ANKRD54: variants seen among roughly 807,000 people sequenced by gnomAD.
ANKRD54 encodes the protein ankyrin repeat domain 54.
ANKRD54 carries 26 observed loss-of-function variants against 36.2 expected under a neutral mutation model. That is an observed-to-expected ratio of 0.72 (90% CI 0.53 to 1.00). ANKRD54 has a LOEUF of 1.00. ANKRD54 is among the 50% of genes least tolerant of loss of function. ANKRD54 has a pLI of 0.00. For synonymous variants in ANKRD54, 209 were observed against 188.4 expected (o/e 1.11, Z -0.89); for missense variants, 384 against 424.3 (o/e 0.91, Z 0.83).
intron 2 of ANKRD54, among the ~76,000 whole-genome samples, chr22:37,839,657 G>C (rs1569099641): frequency 6.6e-6 from 1 of 152,188 alleles, no homozygotes; most frequent in African/African-American, 2.4e-5. Flanking sequence ...AAAGTGCTGG[G>C]ATTACAGGCG....
chr22:37,843,439 A>G (rs1235532917), intron 1 of ANKRD54, among the ~76,000 whole-genome samples: 1 of 151,990 alleles, frequency 6.6e-6, no homozygotes, highest in Non-Finnish European at 1.5e-5. Context: ...GATAATAATA[A>G]TAAATAAATA....
upstream of ANKRD54, among the ~76,000 whole-genome samples, chr22:37,847,154 ATTTCT>A (rs749859747): frequency 1.4e-5 from 2 of 138,542 alleles, no homozygotes; most frequent in African/African-American, 2.7e-5. Context: ...CGCCCGGCCA[ATTTCT>A]TTTCTTTTTT....
At chr22:37,835,699 G>C (rs1414554492) in intron 3 of ANKRD54, among the ~76,000 whole-genome samples, 1 of 152,112 alleles carries the variant, frequency 6.6e-6, no homozygotes, top group Non-Finnish European at 1.5e-5. Flanking sequence ...CCAGCTACTT[G>C]GGAGGCTGAG....
rs571557054 is a variant in ANKRD54, at chr22:37,840,583, C to CAA, written c.329-350_329-349insTT. The stretch of plus-strand genomic sequence containing the variant: ...CAAAACAAACAAACAAACAAACACA[C>CAA]ACAAAAAAAACACAGCCATTGGCTG... On this transcript the variant is annotated intron_variant, in intron 1 of 7. Coordinates refer to ENST00000215941, the MANE Select transcript of ANKRD54 (RefSeq NM_138797.4). 3.8e-3 allele frequency among the ~76,000 whole-genome samples: 570 copies of CAA among 149,592 alleles called. 1 individual carries two copies. Among genetic ancestry groups the CAA allele is most frequent in the African/African-American group, 0.013 (539 of 40,610 alleles).
In ANKRD54 at chr22:37,844,126, G is replaced by C. The variant is rs1290988151; in HGVS notation, c.113C>G (p.Ser38Cys). Residue 38 changes from serine (S) to cysteine (C), a missense_variant, in exon 1 of 8, where the codon TCC (serine) becomes TGC (cysteine). By Grantham distance (112) the Ser-to-Cys change is moderately radical. Coordinates refer to ENST00000215941, the MANE Select transcript of ANKRD54 (RefSeq NM_138797.4). ...EPLTDAEGLF[S>C]FADFGSALGG... ...CAGCGCAGACCCGAAGTCAGCGAAG[G>C]AGAAGAGGCCCTCAGCGTCAGTCAG... 58 of 1,492,942 alleles carry C rather than the reference G, an allele frequency of 3.9e-5. No homozygotes were observed. The highest frequency in any genetic ancestry group is 4.5e-5 in the Admixed American group (2 of 44,678). The allele number at this position is 1,492,942 out of a possible 1,614,324, so 92.5% of individuals were successfully genotyped here.
chr22:37,841,848 AAAAT>A (rs56891536), intron 1 of ANKRD54, among the ~76,000 whole-genome samples: 3,408 of 137,792 alleles, frequency 0.025, 73 homozygotes, highest in South Asian at 0.039. Flanking sequence ...ACTCTGTCTC[AAAAT>A]AAATAAATAA....
intron 1 of ANKRD54, among the ~76,000 whole-genome samples, chr22:37,843,434 T>A (rs974105640): frequency 4.6e-5 from 7 of 151,574 alleles, no homozygotes; most frequent in Non-Finnish European, 7.4e-5. Context: ...AAAAAGATAA[T>A]AATAATAAAT....
chr22:37,833,610 G>A, intron 4 of ANKRD54, 74 bp downstream of exon 4: 3 of 1,528,288 alleles, frequency 2.0e-6, no homozygotes, highest in East Asian at 4.5e-5. Context: ...GAGCATGCCG[G>A]GCCCCACCCT....
intron 3 of ANKRD54, chr22:37,834,203 C>A (rs997610616): frequency 1.2e-5 from 2 of 161,070 alleles, no homozygotes; most frequent in African/African-American, 2.4e-5. Context: ...TCTGCCAATA[C>A]CCAGAAGGAT....
Position 37,830,926 on chromosome 22 carries a change from G to C in ANKRD54, c.*1017C>G, listed in dbSNP as rs1195194470. ...CCAGAATTATAAAATTAGCCTCACT[G>C]AGCCAGTCCAGGTGGGAGCAGGGCT... On this transcript the variant is annotated 3_prime_UTR_variant, in exon 8 of 8. Transcript: ENST00000215941. 1 of 152,204 alleles carries C rather than the reference G, an allele frequency of 6.6e-6. No individual in the cohort carries two copies. The allele number at this position is 152,204 out of a possible 1,614,324, so 9.4% of individuals were successfully genotyped here.
chr22:37,847,688 A>T, upstream of ANKRD54: 1 of 486,116 alleles, frequency 2.1e-6, no homozygotes, highest in Non-Finnish European at 4.1e-6. Flanking sequence ...CCATGAGGAC[A>T]TTGTTGGGGA....
At chr22:37,847,868 C>T (rs139887367), upstream of ANKRD54, 109 of 318,632 alleles carry the variant, frequency 3.4e-4, no homozygotes, top group African/African-American at 2.3e-3. Context: ...GGAGTTGGGG[C>T]TGGGCATTGC....
upstream of ANKRD54, among the ~76,000 whole-genome samples, chr22:37,845,738 G>T (rs189506689): frequency 6.6e-6 from 1 of 152,144 alleles, no homozygotes; most frequent in East Asian, 1.9e-4. Context: ...GTGTGGTGGC[G>T]CACGCCTGTA....
In ANKRD54 at chr22:37,832,933, G is replaced by A. The variant is rs1464264074; in HGVS notation, c.720+25C>T. The A allele has an allele frequency of 3.1e-6, 5 of 1,611,918 alleles. No homozygotes were observed. In the Admixed American group the frequency reaches 8.3e-5, roughly 27 times the overall value. ...TGTCCAGTGCTGCCTTGGTGCCGTG[G>A]TCTCCACACAGAAGGGGTACTCACC... On this transcript the variant is annotated intron_variant, in intron 6 of 7. Coordinates refer to ENST00000215941, the MANE Select transcript of ANKRD54 (RefSeq NM_138797.4).
chr22:37,840,583 C>CA (rs571557054), intron 1 of ANKRD54, among the ~76,000 whole-genome samples: 3 of 149,480 alleles, frequency 2.0e-5, no homozygotes, highest in African/African-American at 7.4e-5. Context: ...AACAAACACA[C>CA]ACAAAAAAAA....
chr22:37,833,511 T>G (rs1027830452), intron 4 of ANKRD54, among the ~76,000 whole-genome samples, 173 bp downstream of exon 4: 1 of 152,094 alleles, frequency 6.6e-6, no homozygotes, highest in African/African-American at 2.4e-5. Context: ...GCTAAATGAT[T>G]GGAAGGCCCA....
chr22:37,842,511 G>A (rs1179952729), intron 1 of ANKRD54, among the ~76,000 whole-genome samples: 1 of 152,198 alleles, frequency 6.6e-6, no homozygotes, highest in East Asian at 1.9e-4. Context: ...GAAGCTCTTT[G>A]TGAGCTGGTT....
Position 37,844,177 on chromosome 22 carries a change from C to T in ANKRD54, c.62G>A (p.Gly21Asp). The change falls in exon 1 of 8, where the codon GGC becomes GAC. Residue 21 changes from glycine to aspartate, a missense_variant. Gly to Asp is a moderately conservative substitution (Grantham distance 94). Coordinates refer to ENST00000215941, the MANE Select transcript of ANKRD54 (RefSeq NM_138797.4). ...CGGCTCCGGCGCCACCGCGCACTCG[C>T]CCTCCGAGCTCGAGTGGCCTGAGCG... ...EPRSGHSSSE[G>D]ECAVAPEPLT... The T allele has an allele frequency of 2.7e-6, 4 of 1,506,564 alleles. No individual in the cohort carries two copies. The highest frequency in any genetic ancestry group is 3.5e-6 in the Non-Finnish European group (4 of 1,135,448). The allele number at this position is 1,506,564 out of a possible 1,614,324, so 93.3% of individuals were successfully genotyped here.
Position 37,844,228 on chromosome 22 carries a change from G to A in ANKRD54, c.11C>T (p.Ala4Val). Residue 4 changes from alanine to valine, a missense_variant, in exon 1 of 8, where the codon GCC (alanine) becomes GTC (valine). Ala to Val is a moderately conservative substitution (Grantham distance 64). Transcript: ENST00000215941. ...CGGCTCGTCGTCCGCGTCCCCGGCG[G>A]CGGCTGCCATGGCAACGGCTCCGCG... is the stretch of plus-strand genomic sequence containing the variant. MAA[A>V]AGDADDEPRS... is the part of the protein sequence containing the mutation. The A allele has an allele frequency of 6.5e-7, 1 of 1,540,538 alleles. No homozygotes were observed. The highest frequency in any genetic ancestry group is 8.7e-7 in the Non-Finnish European group (1 of 1,153,792).
Sources: allele counts gnomAD v4.1 joint callset (sites outside exome capture counted in the v4.1 genomes callset), GRCh38; gene constraint gnomAD v4.1.1; transcripts MANE v1.5; gene names NCBI Gene and HGNC (gene_info 2026-07-23, HGNC 2026-07-21).